RP1: variants seen among roughly 807,000 people sequenced by gnomAD.
RP1 encodes RP1 axonemal microtubule associated, also known as oxygen-regulated protein 1.
A neutral mutation model predicts 14.8 loss-of-function variants in RP1; 16 were observed. The ratio of observed to expected loss-of-function variants is 1.08; its 90% CI spans 0.73 to 1.65. The LOEUF is 1.65. Ranked by LOEUF, RP1 falls within the 40% of genes most tolerant of loss-of-function variation. The pLI is 0.00. For synonymous variants in RP1, 876 were observed against 883.6 expected (o/e 0.99, Z 0.15); for missense variants, 2,631 against 2,535.0 (o/e 1.04, Z -0.81).
intron 6 of RP1, among the ~76,000 whole-genome samples, chr8:54,656,745 G>A (rs1806762341): frequency 6.7e-6 from 1 of 150,294 alleles, no homozygotes; most frequent in Non-Finnish European, 1.5e-5. Flanking sequence ...AGAATTCAGG[G>A]TGACTATCCA....
rs991755870 is a variant in RP1, at chr8:54,788,065, T to A, written c.3615+4355T>A. On this transcript the variant is annotated intron_variant, in intron 24 of 28. Transcript: ENST00000637698. ...ATGCTCTTTAGGCTGACTCTTATGA[T>A]CCTGCCCACAAATTGTGGTAGACTT... Among the ~76,000 whole-genome samples, 14 of 152,310 alleles carry A rather than the reference T, an allele frequency of 9.2e-5. No homozygotes were observed. In the South Asian group the frequency reaches 1.2e-3, roughly 14 times the overall value.
intron 1 of RP1, among the ~76,000 whole-genome samples, chr8:54,616,805 G>A (rs1351088390): frequency 1.3e-5 from 2 of 152,264 alleles, no homozygotes; most frequent in East Asian, 1.9e-4. Context: ...GTGAAATGAC[G>A]CATGTAACTC....
intron 3 of RP1, among the ~76,000 whole-genome samples, chr8:54,645,025 C>A (rs897739543): frequency 1.3e-5 from 2 of 151,948 alleles, no homozygotes; most frequent in African/African-American, 4.8e-5. Flanking sequence ...TAATTTATAT[C>A]ATAATTACAT....
chr8:54,766,981 T>A (rs1318713714), intron 22 of RP1, among the ~76,000 whole-genome samples: 6 of 152,160 alleles, frequency 3.9e-5, no homozygotes, highest in African/African-American at 1.4e-4. Flanking sequence ...TTCATTGGCT[T>A]TGGGGGAATT....
intron 6 of RP1, among the ~76,000 whole-genome samples, chr8:54,658,733 CTT>C (rs1216310727): frequency 6.6e-6 from 1 of 151,990 alleles, no homozygotes; most frequent in East Asian, 1.9e-4. Flanking sequence ...ACTTTGAACT[CTT>C]TTGGGTGTGT....
At chr8:54,755,332 T>C (rs1437333252) in intron 20 of RP1, among the ~76,000 whole-genome samples, 1 of 152,214 alleles carries the variant, frequency 6.6e-6, no homozygotes. Context: ...AAGCATAAAA[T>C]GTCCTCTTAT....
At position 54,628,648 on chromosome 8, in the gene RP1, C is replaced by A. The variant is rs199756880; in HGVS notation, c.4766C>A (p.Ser1589Tyr). Residue 1589 changes from serine (S) to tyrosine (Y), a missense_variant, in exon 4 of 4, where the codon TCT becomes TAT. Ser to Tyr is a moderately radical substitution (Grantham distance 144). Coordinates refer to ENST00000220676, the MANE Select transcript of RP1 (RefSeq NM_006269.2). ...LKKCIKSPVT[S>Y]DWSDYRPDSD... ...AAATGCATCAAAAGTCCAGTGACTT[C>A]TGATTGGTCAGACTATCGGCCTGAC... 3.7e-6 allele frequency: 6 copies of A among 1,613,936 alleles called. No individual in the cohort carries two copies. Among genetic ancestry groups the A allele is most frequent in the Middle Eastern group, 3.3e-4 (2 of 6,084 alleles).
chr8:54,724,680 C>T (rs149604329), intron 16 of RP1, among the ~76,000 whole-genome samples: 6 of 152,186 alleles, frequency 3.9e-5, no homozygotes, highest in Non-Finnish European at 8.8e-5. Flanking sequence ...GGCTTTTGAA[C>T]ATCTTTCTGT....
At chr8:54,790,001 G>A (rs146078413) in intron 24 of RP1, among the ~76,000 whole-genome samples, 2,207 of 152,294 alleles carry the variant, frequency 0.014, 23 homozygotes, top group Non-Finnish European at 0.021. Context: ...TCTCTGACTA[G>A]GAGTGATTGT....
intron 12 of RP1, among the ~76,000 whole-genome samples, chr8:54,689,901 A>G (rs764234709): frequency 3.3e-5 from 5 of 151,960 alleles, no homozygotes; most frequent in Non-Finnish European, 5.9e-5. Flanking sequence ...TCCAGTTTCA[A>G]CTAAAGTGAA....
chr8:54,844,619 G>T (rs1220342564), intron 25 of RP1, among the ~76,000 whole-genome samples: 1 of 152,150 alleles, frequency 6.6e-6, no homozygotes, highest in African/African-American at 2.4e-5. Flanking sequence ...TGCATGTGTA[G>T]ACATGCTTGC....
chr8:54,855,934 T>TACACAC (rs759603043), intron 26 of RP1, among the ~76,000 whole-genome samples: 5 of 57,838 alleles, frequency 8.6e-5, no homozygotes, highest in African/African-American at 3.0e-4. Flanking sequence ...AGACTTACTA[T>TACACAC]ACACACACAC....
At chr8:54,645,248 A>G (rs1231021253) in intron 3 of RP1, among the ~76,000 whole-genome samples, 1 of 152,196 alleles carries the variant, frequency 6.6e-6, no homozygotes, top group South Asian at 2.1e-4. Context: ...GTTTACTACA[A>G]TGGAATTTCG....
At chr8:54,837,469 G>A (rs1255501320) in exon 25 of RP1, 4 of 1,229,452 alleles carry the variant, frequency 3.3e-6, no homozygotes, top group Non-Finnish European at 4.1e-6. Flanking sequence ...AAAGATATTG[G>A]TGAAATCTAT....
exon 10 of RP1, chr8:54,679,495 G>C (rs777432199): frequency 6.5e-7 from 1 of 1,535,874 alleles, no homozygotes; most frequent in South Asian, 1.2e-5. Context: ...TCTTCTCTGC[G>C]AGTAGGTATC....
chr8:54,810,370 C>T (rs1475404583), intron 24 of RP1, among the ~76,000 whole-genome samples: 1 of 152,104 alleles, frequency 6.6e-6, no homozygotes, highest in East Asian at 1.9e-4. Context: ...TTACACATGG[C>T]AGGTGATCAC....
rs1222111908 is a variant in RP1, at chr8:54,855,951, ACACACACACACACACACACACC to A, written c.3991-1075_3991-1054del. Among the ~76,000 whole-genome samples, 507 of 112,660 alleles carry A rather than the reference ACACACACACACACACACACACC, an allele frequency of 4.5e-3. 6 individuals are homozygous for A. The highest frequency in any genetic ancestry group is 0.019 in the African/African-American group (486 of 25,204). 73.9% of individuals were successfully genotyped at this position (112,660 alleles called of 152,430 possible). ...ACTTACTATACACACACACACACAC[ACACACACACACACACACACACC>A]CCCTATAACCCAGCTGTTTCCCAAC... On this transcript the variant is annotated intron_variant, in intron 26 of 28. Transcript: ENST00000637698.
At chr8:54,829,735 A>C (rs1305184152) in intron 24 of RP1, among the ~76,000 whole-genome samples, 9 of 152,180 alleles carry the variant, frequency 5.9e-5, no homozygotes, top group Admixed American at 5.2e-4. Flanking sequence ...AATATTAAAA[A>C]ATCATTTGGA....
chr8:54,596,986 C>T (rs1805162960), intron 1 of RP1, among the ~76,000 whole-genome samples: 1 of 152,116 alleles, frequency 6.6e-6, no homozygotes, highest in African/African-American at 2.4e-5. Flanking sequence ...CTGTGTCCTC[C>T]CTCCAAATCA....
Sources: gnomAD v4.1 joint callset for allele counts (sites outside exome capture counted in the v4.1 genomes callset) on GRCh38, gnomAD v4.1.1 for gene constraint, MANE v1.5 for transcripts, NCBI Gene and HGNC (gene_info 2026-07-23, HGNC 2026-07-21) for gene names.